ITGB5: variants seen among roughly 807,000 people sequenced by gnomAD.
The protein encoded by ITGB5 is integrin subunit beta 5, also known as integrin beta-5.
In ITGB5, 38 loss-of-function variants were observed where a neutral mutation model predicts 84.8. The ratio of observed to expected loss-of-function variants is 0.45; its 90% CI spans 0.35 to 0.59. The LOEUF (loss-of-function observed/expected upper bound fraction) is 0.59, where lower values mean the gene tolerates loss of function less well. ITGB5 is among the 20% of genes least tolerant of loss of function. ITGB5 has a pLI of 0.01. For synonymous variants in ITGB5, 393 were observed against 414.4 expected (o/e 0.95, Z 0.63); for missense variants, 905 against 1,034.5 (o/e 0.87, Z 1.72).
At chr3:124,899,618 G>C (rs1331235258) in intron 1 of ITGB5, among the ~76,000 whole-genome samples, 2 of 152,116 alleles carry the variant, frequency 1.3e-5, no homozygotes, top group Admixed American at 6.5e-5. Flanking sequence ...ACTTTGGGAG[G>C]CCAAGGTGGG....
intron 9 of ITGB5, among the ~76,000 whole-genome samples, chr3:124,801,877 G>A (rs906484350): frequency 3.9e-5 from 6 of 152,132 alleles, no homozygotes; most frequent in South Asian, 2.1e-4. Flanking sequence ...CTCCATGGCC[G>A]TCACCATCAG....
intron 2 of ITGB5, among the ~76,000 whole-genome samples, chr3:124,864,096 CTTTTTTTTTTTTTTTTTTTTTTT>C (rs558311822): frequency 0.12 from 5,339 of 46,322 alleles, 513 homozygotes; most frequent in African/African-American, 0.32. Flanking sequence ...ACCTATATTT[CTTTTTTTTTTTTTTTTTTTTTTT>C]TTTTTTGAGA....
At chr3:124,885,017 T>C (rs1347507499) in intron 1 of ITGB5, among the ~76,000 whole-genome samples, 1 of 152,238 alleles carries the variant, frequency 6.6e-6, no homozygotes, top group African/African-American at 2.4e-5. Flanking sequence ...ATGCCTGTAA[T>C]TGAAGCACTT....
At chr3:124,767,960 T>C (rs989424402) in intron 12 of ITGB5, among the ~76,000 whole-genome samples, 2 of 152,050 alleles carry the variant, frequency 1.3e-5, no homozygotes, top group African/African-American at 4.8e-5. Context: ...TCCCAGCTAC[T>C]TGGGAGGCTG....
chr3:124,858,421 A>G (rs1446384652), intron 3 of ITGB5, among the ~76,000 whole-genome samples: 1 of 152,168 alleles, frequency 6.6e-6, no homozygotes, highest in African/African-American at 2.4e-5. Flanking sequence ...TTCACTAAGG[A>G]GTAAATCTAC....
chr3:124,767,766 T>C (rs2063787856), intron 12 of ITGB5, among the ~76,000 whole-genome samples: 1 of 152,158 alleles, frequency 6.6e-6, no homozygotes, highest in Non-Finnish European at 1.5e-5. Context: ...GCTGGATGCA[T>C]ATATAGCTCA....
At chr3:124,837,272 A>G (rs1162439566) in intron 5 of ITGB5, among the ~76,000 whole-genome samples, 1 of 152,206 alleles carries the variant, frequency 6.6e-6, no homozygotes, top group Non-Finnish European at 1.5e-5. Flanking sequence ...CACACATCAC[A>G]CTTCCGCCTG....
chr3:124,839,253 C>T (rs2064980292), intron 5 of ITGB5, among the ~76,000 whole-genome samples: 1 of 152,188 alleles, frequency 6.6e-6, no homozygotes, highest in African/African-American at 2.4e-5. Context: ...CAAAGTGCCT[C>T]TCCGTCAACA....
intron 2 of ITGB5, among the ~76,000 whole-genome samples, chr3:124,869,415 A>C (rs2065443123): frequency 6.6e-6 from 1 of 152,090 alleles, no homozygotes; most frequent in African/African-American, 2.4e-5. Flanking sequence ...GTCTCTACTA[A>C]AAATACAAAA....
chr3:124,829,702 G>A (rs926018567), intron 5 of ITGB5, among the ~76,000 whole-genome samples: 18 of 152,122 alleles, frequency 1.2e-4, no homozygotes, highest in African/African-American at 4.3e-4. Context: ...CTCCCTCCTT[G>A]AGGAAACACA....
chr3:124,832,350 T>C (rs934474823), intron 5 of ITGB5, among the ~76,000 whole-genome samples: 1 of 152,272 alleles, frequency 6.6e-6, no homozygotes. Context: ...TGCTGCCTTT[T>C]GTGGCTGTAA....
At chr3:124,883,396 T>C (rs1934665453) in intron 1 of ITGB5, among the ~76,000 whole-genome samples, 1 of 152,152 alleles carries the variant, frequency 6.6e-6, no homozygotes. Context: ...ATCCCCTTTA[T>C]AAAAAGCTCC....
At chr3:124,776,578 A>G (rs2063929663) in intron 10 of ITGB5, among the ~76,000 whole-genome samples, 1 of 152,030 alleles carries the variant, frequency 6.6e-6, no homozygotes, top group East Asian at 1.9e-4. Flanking sequence ...CCTTCCATCA[A>G]CCCGTATTTT....
upstream of ITGB5, among the ~76,000 whole-genome samples, chr3:124,892,527 TAAAAAA>T (rs34284622): frequency 1.4e-3 from 146 of 106,248 alleles, no homozygotes; most frequent in African/African-American, 4.6e-3. Flanking sequence ...CCATCTCTAT[TAAAAAA>T]AAAAAAAAAA....
chr3:124,888,385 G>C (rs1934917140), upstream of ITGB5, among the ~76,000 whole-genome samples: 2 of 152,154 alleles, frequency 1.3e-5, no homozygotes, highest in African/African-American at 4.8e-5. Flanking sequence ...AGCTGGATCT[G>C]AACTAGCCAA....
At chr3:124,861,438 A>G (rs1464264725) in intron 2 of ITGB5, among the ~76,000 whole-genome samples, 1 of 150,694 alleles carries the variant, frequency 6.6e-6, no homozygotes, top group Non-Finnish European at 1.5e-5. Flanking sequence ...ACTGCACTCC[A>G]GCCTGAGCGA....
chr3:124,765,234 G>T (rs1453880549), intron 13 of ITGB5, among the ~76,000 whole-genome samples: 1 of 152,210 alleles, frequency 6.6e-6, no homozygotes, highest in Non-Finnish European at 1.5e-5. Context: ...AATGTAAGGG[G>T]TGATATCAGA....
intron 1 of ITGB5, among the ~76,000 whole-genome samples, chr3:124,879,606 A>G (rs911239829): frequency 6.6e-6 from 1 of 152,362 alleles, no homozygotes; most frequent in East Asian, 1.9e-4. Flanking sequence ...CAACAATACC[A>G]GCCTTACAGA....
chr3:124,839,189 C>G (rs974786997), intron 5 of ITGB5, among the ~76,000 whole-genome samples: 2 of 152,286 alleles, frequency 1.3e-5, no homozygotes, highest in Non-Finnish European at 2.9e-5. Flanking sequence ...TTGCAAAGGT[C>G]GTGGTGAGGA....
Sources: allele counts gnomAD v4.1 joint callset (sites outside exome capture counted in the v4.1 genomes callset), GRCh38; gene constraint gnomAD v4.1.1; transcripts MANE v1.5; gene names NCBI Gene and HGNC (gene_info 2026-07-23, HGNC 2026-07-21).